ADAM7: variants seen among roughly 807,000 people sequenced by gnomAD.
The protein encoded by ADAM7 is disintegrin and metalloproteinase domain-containing protein 7.
In ADAM7, 97 loss-of-function variants were observed where a neutral mutation model predicts 102.9. That is an observed-to-expected ratio of 0.94 (90% CI 0.80 to 1.12). The LOEUF (loss-of-function observed/expected upper bound fraction) is 1.12, where lower values mean the gene tolerates loss of function less well. Among genes scored for constraint, ADAM7 ranks in the 50% most tolerant of loss-of-function variants. ADAM7 has a pLI of 0.00. For synonymous variants in ADAM7, 334 were observed against 304.4 expected, an observed-to-expected ratio of 1.10 and a Z score of -1.01; for missense variants, 991 against 908.7, an observed-to-expected ratio of 1.09 and a Z score of -1.16.
chr8:24,444,092 C>T (rs1440051769), intron 2 of ADAM7, among the ~76,000 whole-genome samples: 1 of 151,092 alleles, frequency 6.6e-6, no homozygotes, highest in East Asian at 1.9e-4. Flanking sequence ...AAATTCAAAC[C>T]ACATTGAAGG....
intron 6 of ADAM7, among the ~76,000 whole-genome samples, 188 bp from the exon 7 acceptor site, chr8:24,468,579 C>T (rs1819505503): frequency 2.6e-5 from 4 of 151,620 alleles, no homozygotes; most frequent in Admixed American, 2.6e-4. Context: ...ATGTATAGGA[C>T]CCCATGTTTA....
intron 3 of ADAM7, among the ~76,000 whole-genome samples, chr8:24,453,366 C>T (rs1818875946): frequency 6.6e-6 from 1 of 152,182 alleles, no homozygotes; most frequent in Non-Finnish European, 1.5e-5. Context: ...ATTCTTTTTT[C>T]TCTAAACTTC....
chr8:24,476,121 T>C (rs1215637954), intron 7 of ADAM7: 1 of 396,948 alleles, frequency 2.5e-6, no homozygotes, highest in Non-Finnish European at 4.8e-6. Flanking sequence ...AAATGGACTC[T>C]AAAGAACACT....
At chr8:24,506,790 C>CACACACAA (rs1820966198) in intron 20 of ADAM7, among the ~76,000 whole-genome samples, 1 of 140,824 alleles carries the variant, frequency 7.1e-6, no homozygotes, top group African/African-American at 2.6e-5. Context: ...CACACACACA[C>CACACACAA]AAAATAGAAC....
chr8:24,464,010 G>A lies in ADAM7; in HGVS notation c.312+50G>A, dbSNP rs149466364. On this transcript the variant is annotated intron_variant, in intron 4 of 21. Coordinates refer to ENST00000175238, the MANE Select transcript of ADAM7 (RefSeq NM_003817.4). ...CTCTTCTCTAAAAGCAGTATTTCCT[G>A]ATGTGATTTTGAAACCCTGTTCTAG... 403 of 1,533,566 alleles carry A rather than the reference G, an allele frequency of 2.6e-4. 3 individuals carry two copies. In the South Asian group the frequency reaches 4.1e-3, roughly 15 times the overall value. The allele number at this position is 1,533,566 out of a possible 1,614,324, so 95.0% of individuals were successfully genotyped here.
rs141067775 is a variant in ADAM7 at position 24,464,381 on chromosome 8, C to T, written c.312+421C>T. On this transcript the variant is annotated intron_variant, in intron 4 of 21. Transcript: ENST00000175238. ...TCATCCCCTTGCCCGGTTTTTCTGA[C>T]GCACCAATGTTGAGGTCTTTTCTTC... 1.4e-3 allele frequency among the ~76,000 whole-genome samples: 209 copies of T among 152,202 alleles called. 1 individual carries two copies. The highest frequency in any genetic ancestry group is 4.4e-3 in the African/African-American group (183 of 41,532).
chr8:24,450,065 GT>G (rs893805535), intron 3 of ADAM7, among the ~76,000 whole-genome samples: 23 of 152,170 alleles, frequency 1.5e-4, no homozygotes, highest in African/African-American at 5.6e-4. Flanking sequence ...TTGTAGTGTA[GT>G]TTGAAGTCAG....
intron 2 of ADAM7, among the ~76,000 whole-genome samples, chr8:24,445,157 C>A (rs909008961): frequency 6.6e-6 from 1 of 152,074 alleles, no homozygotes; most frequent in African/African-American, 2.4e-5. Context: ...CCCATACATG[C>A]ATGTACACAT....
At chr8:24,446,252 G>GA (rs1449048511) in intron 2 of ADAM7, among the ~76,000 whole-genome samples, 2 of 152,044 alleles carry the variant, frequency 1.3e-5, no homozygotes, top group Non-Finnish European at 2.9e-5. Flanking sequence ...GAATCCATAT[G>GA]AAAACTACAA....
intron 20 of ADAM7, 36 bp downstream of exon 20, chr8:24,501,612 A>G: frequency 7.6e-7 from 1 of 1,318,636 alleles, no homozygotes. Context: ...TAATTTATTG[A>G]TTTTTTTTTT....
chr8:24,468,832 A>G lies in ADAM7; in HGVS notation c.633+12A>G, dbSNP rs368758019. The G allele has an allele frequency of 2.1e-5, 34 of 1,605,846 alleles. No individual in the cohort carries two copies. In the African/African-American group the frequency reaches 2.7e-4, roughly 13 times the overall value. On this transcript the variant is annotated intron_variant, in intron 7 of 21. Transcript: ENST00000175238. ...CTGATGATACTGTGGTAAGTTTTCA[A>G]TAGAACATTTCTCTCTTTATTCTTC...
At chr8:24,446,397 A>G (rs1818559546) in intron 2 of ADAM7, among the ~76,000 whole-genome samples, 1 of 152,188 alleles carries the variant, frequency 6.6e-6, no homozygotes, top group African/African-American at 2.4e-5. Context: ...GAAGGCAAGG[A>G]AACAGAAACT....
chr8:24,496,304 G>T (rs1344579199), intron 16 of ADAM7, among the ~76,000 whole-genome samples: 1 of 152,254 alleles, frequency 6.6e-6, no homozygotes, highest in Admixed American at 6.5e-5. Context: ...GTAAAAGTTT[G>T]CTGCAGGGGC....
In ADAM7 at chr8:24,441,427, CT is replaced by C. The variant is rs1413269395; in HGVS notation, c.52+268del. Among the ~76,000 whole-genome samples the C allele has an allele frequency of 2.0e-5, 3 of 152,160 alleles. No individual in the cohort carries two copies. In the East Asian group the frequency reaches 5.8e-4, roughly 29 times the overall value. ...TGGCAGGCACTGTGCTGGCCATTAG[CT>C]GCTTTGTATGTTAAAGTGTTTAAAA... On this transcript the variant is annotated intron_variant, in intron 1 of 21. Transcript: ENST00000175238.
At chr8:24,467,046 T>C (rs1278213563) in intron 6 of ADAM7, 58 bp downstream of exon 6, 1 of 1,467,464 alleles carries the variant, frequency 6.8e-7, no homozygotes, top group East Asian at 2.3e-5. Flanking sequence ...TTCTTGATGA[T>C]GTCTAGGGAT....
chr8:24,463,114 A>C (rs923185423), intron 3 of ADAM7, among the ~76,000 whole-genome samples: 2 of 152,158 alleles, frequency 1.3e-5, no homozygotes, highest in African/African-American at 2.4e-5. Flanking sequence ...TATGTAGCAA[A>C]CATGAAAATG....
chr8:24,505,419 A>G (rs1820917793), intron 20 of ADAM7, among the ~76,000 whole-genome samples: 1 of 152,178 alleles, frequency 6.6e-6, no homozygotes, highest in Admixed American at 6.6e-5. Flanking sequence ...TATATACACC[A>G]TGATATTAAC....
intron 13 of ADAM7, among the ~76,000 whole-genome samples, chr8:24,491,657 T>G (rs1375549704): frequency 6.6e-6 from 1 of 152,158 alleles, no homozygotes; most frequent in Admixed American, 6.6e-5. Flanking sequence ...CTTCATTTGA[T>G]GTACATCCCA....
chr8:24,468,078 A>G (rs1398605377), intron 6 of ADAM7, among the ~76,000 whole-genome samples: 1 of 152,098 alleles, frequency 6.6e-6, no homozygotes, highest in Admixed American at 6.5e-5. Flanking sequence ...AAGAAAAATA[A>G]ATAAAAATAA....
Sources: allele counts gnomAD v4.1 joint callset (sites outside exome capture counted in the v4.1 genomes callset), GRCh38; gene constraint gnomAD v4.1.1; transcripts MANE v1.5; gene names NCBI Gene and HGNC (gene_info 2026-07-23, HGNC 2026-07-21).